Variants in FANCB observed in about 807,000 individuals in gnomAD.
The protein encoded by FANCB is Fanconi anemia group B protein.
Under a neutral mutation model 38.9 loss-of-function variants are expected in FANCB, and 5 were observed. The ratio of observed to expected loss-of-function variants is 0.13; its 90% CI spans 0.07 to 0.27. The LOEUF is 0.27. FANCB is among the 10% of genes least tolerant of loss of function. The probability of loss-of-function intolerance (pLI) is 1.00; values close to 1 mark genes in which losing one functional copy is unlikely to be tolerated. For missense variants in FANCB, 573 were observed against 602.7 expected (o/e 0.95, Z 0.52); for synonymous variants, 236 against 215.4 (o/e 1.10, Z -0.84).
chrX:14,750,550 A>G, the FANCB span, among the ~76,000 whole-genome samples: 1 of 111,242 alleles, frequency 9.0e-6, no homozygotes, highest in Admixed American at 9.6e-5. Flanking sequence ...AGAACTTTTT[A>G]TACATTCTGC....
At chrX:14,845,481 T>G (rs2147391738) in intron 7 of FANCB, among the ~76,000 whole-genome samples, 195 bp from the exon 8 acceptor site, 1 of 111,946 alleles carries the variant, frequency 8.9e-6, no homozygotes, top group East Asian at 2.8e-4. Flanking sequence ...TGATAGCACT[T>G]CTCAAAAGGC....
chrX:14,798,366 G>A, the FANCB span, among the ~76,000 whole-genome samples: 1 of 110,789 alleles, frequency 9.0e-6, no homozygotes, highest in East Asian at 2.8e-4. Flanking sequence ...GTTTCACCGT[G>A]TTAGCCAGGA....
downstream of FANCB, among the ~76,000 whole-genome samples, chrX:14,841,981 G>A (rs138331350): frequency 0.037 from 4,041 of 109,667 alleles, 79 homozygotes; most frequent in Non-Finnish European, 0.053. Context: ...TTTTTCCTAA[G>A]CAACTCTACT....
chrX:14,786,535 A>G, the FANCB span, among the ~76,000 whole-genome samples: 4 of 111,177 alleles, frequency 3.6e-5, no homozygotes, highest in African/African-American at 1.3e-4. Flanking sequence ...CCAAAAGGAA[A>G]TAAAACATTT....
chrX:14,815,605 TGGA>T, the FANCB span, among the ~76,000 whole-genome samples: 1 of 112,126 alleles, frequency 8.9e-6, no homozygotes, highest in Non-Finnish European at 1.9e-5. Flanking sequence ...GAAAACAGTA[TGGA>T]GATTTCTCAA....
chrX:14,870,552 G>T (rs2092491346), intron 1 of FANCB, among the ~76,000 whole-genome samples: 1 of 111,537 alleles, frequency 9.0e-6, no homozygotes, highest in Admixed American at 9.5e-5. Flanking sequence ...ATACATCAAA[G>T]TTGACTATCT....
At chrX:14,741,238 C>A in the FANCB span, among the ~76,000 whole-genome samples, 1 of 111,378 alleles carries the variant, frequency 9.0e-6, no homozygotes, top group African/African-American at 3.3e-5. Context: ...GGTTTTGAGT[C>A]TATAACAATG....
chrX:14,730,891 TACACACACACAC>T, the FANCB span: 27,892 of 97,223 alleles, frequency 0.29, 4,734 homozygotes, highest in Non-Finnish European at 0.33. Flanking sequence ...AAGTTAGCTA[TACACACACACAC>T]ACACACACAC....
At chrX:14,839,032 TGTAATCCCAG>T, downstream of FANCB, among the ~76,000 whole-genome samples, 1 of 111,682 alleles carries the variant, frequency 9.0e-6, no homozygotes, top group South Asian at 3.7e-4. Context: ...GGCTCATGCC[TGTAATCCCAG>T]CACTTTGGGA....
At chrX:14,832,097 T>C (rs1215971912), downstream of FANCB, among the ~76,000 whole-genome samples, 1 of 111,639 alleles carries the variant, frequency 9.0e-6, no homozygotes, top group Non-Finnish European at 1.9e-5. Flanking sequence ...ACTAGTTTCC[T>C]AGGGCTACTG....
chrX:14,810,477 T>G, the FANCB span, among the ~76,000 whole-genome samples: 1 of 111,909 alleles, frequency 8.9e-6, no homozygotes, highest in Non-Finnish European at 1.9e-5. Flanking sequence ...TTAAAGGAGC[T>G]GATGGAGCTG....
At chrX:14,728,948 A>G in the FANCB span, among the ~76,000 whole-genome samples, 4 of 112,271 alleles carry the variant, frequency 3.6e-5, no homozygotes, top group South Asian at 1.5e-3. Flanking sequence ...AGTGTAATTA[A>G]CTGAAATAGT....
chrX:14,733,107 C>T, the FANCB span, among the ~76,000 whole-genome samples: 2 of 111,954 alleles, frequency 1.8e-5, no homozygotes, highest in African/African-American at 3.2e-5. Context: ...GCCAGTTTTC[C>T]GAACACCAAT....
At chrX:14,774,442 C>T in the FANCB span, among the ~76,000 whole-genome samples, 2 of 112,180 alleles carry the variant, frequency 1.8e-5, no homozygotes, top group Non-Finnish European at 3.8e-5. Flanking sequence ...CATCTCAAAC[C>T]TATTTGGTAA....
the FANCB span, among the ~76,000 whole-genome samples, chrX:14,732,661 T>G: frequency 4.4e-5 from 5 of 112,585 alleles, no homozygotes; most frequent in Admixed American, 4.7e-4. Flanking sequence ...TTCATGTTTG[T>G]TGGCCACATA....
rs1601978531 is a variant in FANCB at position 14,845,354 on chromosome X, G to A, written c.1497-68C>T. ...TTTAAAATCAAATTGATGATTAAAT[G>A]TCATACAAACAACAGTAAAAAATGT... On this transcript the variant is annotated intron_variant, in intron 7 of 9. Transcript: ENST00000650831. The A allele has an allele frequency of 8.6e-6, 7 of 811,478 alleles. No individual in the cohort carries two copies. In the East Asian group the frequency reaches 2.2e-4, roughly 26 times the overall value. The allele number at this position is 811,478 out of a possible 1,213,427, so 66.9% of individuals were successfully genotyped here.
chrX:14,733,597 T>G, the FANCB span, among the ~76,000 whole-genome samples: 2 of 112,015 alleles, frequency 1.8e-5, no homozygotes, highest in Non-Finnish European at 3.8e-5. Flanking sequence ...TTGTAAGTTG[T>G]ATTCCTAGGT....
rs200944682 is a variant in FANCB, at chrX:14,850,349, C to CA, written c.1496+155dup. ...TGGGCAACAGAGTGAGACTCTGTCT[C>CA]AAAAAAAACAGTAATAATAATTTCC... On this transcript the variant is annotated intron_variant, in intron 7 of 9. Coordinates refer to ENST00000650831, the MANE Select transcript of FANCB (RefSeq NM_001018113.3). Among the ~76,000 whole-genome samples, 3,877 of 110,785 alleles carry CA rather than the reference C, an allele frequency of 0.035. 141 individuals carry two copies. The highest frequency in any genetic ancestry group is 0.11 in the African/African-American group (3,219 of 30,404).
the FANCB span, among the ~76,000 whole-genome samples, chrX:14,729,735 C>T: frequency 2.7e-5 from 3 of 111,124 alleles, no homozygotes; most frequent in Non-Finnish European, 5.7e-5. Flanking sequence ...GGGGGAATTG[C>T]GCTGTGAATG....
Sources: allele counts gnomAD v4.1 joint callset (sites outside exome capture counted in the v4.1 genomes callset), GRCh38; gene constraint gnomAD v4.1.1; transcripts MANE v1.5; gene names NCBI Gene and HGNC (gene_info 2026-07-23, HGNC 2026-07-21).